The following NUP214 variants were observed in gnomAD, a reference collection of about 807,000 sequenced individuals.
NUP214 encodes the protein nuclear pore complex protein Nup214.
NUP214 carries 79 observed loss-of-function variants against 196.2 expected under a neutral mutation model. That is an observed-to-expected ratio of 0.40 (90% CI 0.34 to 0.49). NUP214 has a LOEUF of 0.49. Ranked by LOEUF, NUP214 falls within the 20% of genes least tolerant of loss-of-function variation. NUP214 has a pLI of 0.58. For missense variants in NUP214, 2,468 were observed against 2,539.0 expected (o/e 0.97, Z 0.60); for synonymous variants, 1,020 against 990.5 (o/e 1.03, Z -0.56).
At chr9:131,164,345 C>T in intron 21 of NUP214, 1 of 586,494 alleles carries the variant, frequency 1.7e-6, no homozygotes, top group Non-Finnish European at 3.0e-6. Flanking sequence ...GAATAAGAAC[C>T]AGCTTATATA....
At chr9:131,162,941 C>T (rs774401270) in intron 18 of NUP214, 50 bp from the exon 19 acceptor site, 11 of 1,575,558 alleles carry the variant, frequency 7.0e-6, no homozygotes, top group Non-Finnish European at 9.6e-6. Flanking sequence ...CTGGGAGATT[C>T]CTTTACTTGA....
chr9:131,231,263 G>A (rs1834870232), intron 34 of NUP214, among the ~76,000 whole-genome samples: 1 of 152,092 alleles, frequency 6.6e-6, no homozygotes, highest in Non-Finnish European at 1.5e-5. Flanking sequence ...CACAATCTCG[G>A]CTCACTATAA....
At chr9:131,229,943 T>C in intron 33 of NUP214, 2 of 359,034 alleles carry the variant, frequency 5.6e-6, no homozygotes, top group African/African-American at 2.2e-5. Flanking sequence ...CCTCACCTAG[T>C]CACCTCCAGA....
At position 131,198,484 on chromosome 9, in the gene NUP214, A is replaced by T. The variant is rs80167548; in HGVS notation, c.4990A>T (p.Thr1664Ser). 3 of 1,613,628 alleles carry T rather than the reference A, an allele frequency of 1.9e-6. No homozygotes were observed. Among genetic ancestry groups the T allele is most frequent in the Non-Finnish European group, 2.5e-6 (3 of 1,179,964 alleles). The change falls in exon 29 of 36, where the codon ACA becomes TCA. Residue 1664 changes from threonine to serine, a missense_variant. Coordinates refer to ENST00000359428, the MANE Select transcript of NUP214 (RefSeq NM_005085.4). Reference protein sequence around the residue: ...SSAFNQLTNNTATAPSATPVF... With the variant: ...SSAFNQLTNNSATAPSATPVF... The stretch of plus-strand genomic sequence containing the variant: ...AGCTTTCAACCAGCTCACCAACAAC[A>T]CAGCCACTGCCCCCTCTGCCACGCC...
rs573359006 is a variant in NUP214, at chr9:131,134,951, T to C, written c.885T>C (p.Tyr295=). 6.8e-6 allele frequency: 11 copies of C among 1,614,078 alleles called. No homozygotes were observed. Among genetic ancestry groups the C allele is most frequent in the African/African-American group, 1.3e-5 (1 of 75,072 alleles). ...TTGTGAACTTTATGGAGCCCTGTTA[T>C]GGCAGCTGCACGGAGAGACAGCATC... The part of the protein sequence containing the change: ...EIFVNFMEPC[Y]GSCTERQHHY... Residue 295 remains tyrosine, a synonymous_variant, in exon 8 of 36, where the codon TAT becomes TAC. Coordinates refer to ENST00000359428, the MANE Select transcript of NUP214 (RefSeq NM_005085.4).
intron 30 of NUP214, among the ~76,000 whole-genome samples, chr9:131,210,787 G>T (rs1247262250): frequency 6.6e-6 from 1 of 152,088 alleles, no homozygotes; most frequent in East Asian, 1.9e-4. Flanking sequence ...AGGTCAGAGA[G>T]ATGGAAAAAA....
intron 23 of NUP214, among the ~76,000 whole-genome samples, chr9:131,177,131 G>A (rs554580791): frequency 6.6e-6 from 1 of 151,882 alleles, no homozygotes; most frequent in South Asian, 2.1e-4. Context: ...AGACTAAAAA[G>A]ACATAATAGT....
chr9:131,127,325 G>C (rs1443788904), intron 1 of NUP214, among the ~76,000 whole-genome samples, 199 bp from the exon 2 acceptor site: 2 of 152,184 alleles, frequency 1.3e-5, no homozygotes, highest in African/African-American at 4.8e-5. Flanking sequence ...AGAGGTTGCA[G>C]TGAGCCAAGA....
At chr9:131,170,085 CA>C (rs2133574142) in intron 21 of NUP214, among the ~76,000 whole-genome samples, 1 of 152,040 alleles carries the variant, frequency 6.6e-6, no homozygotes, top group East Asian at 1.9e-4. Context: ...AGATGGTAGT[CA>C]CGGTTATACA....
Position 131,139,365 on chromosome 9 carries a change from G to A in NUP214, c.1090G>A (p.Gly364Arg). 3 of 1,607,252 alleles carry A rather than the reference G, an allele frequency of 1.9e-6. No individual in the cohort carries two copies. Among genetic ancestry groups the A allele is most frequent in the Non-Finnish European group, 2.5e-6 (3 of 1,177,474 alleles). Residue 364 changes from glycine (G) to arginine (R), a missense_variant, in exon 10 of 36, where the codon GGA (glycine) becomes AGA (arginine). Transcript: ENST00000359428. Reference sequence around the variant, plus strand: ...CAAGAGTGATGACTCCTTGCCCATGGGAGTTGTCGTAGACTATACAAACCA... The same window carrying A: ...CAAGAGTGATGACTCCTTGCCCATGAGAGTTGTCGTAGACTATACAAACCA... The part of the protein sequence containing the change: ...TDKSDDSLPM[G>R]VVVDYTNQVE...
At chr9:131,190,286 C>A (rs954114464) in intron 26 of NUP214, 4 of 528,420 alleles carry the variant, frequency 7.6e-6, no homozygotes, top group African/African-American at 6.0e-5. Context: ...ATCATATACT[C>A]TTTTTTCAAG....
intron 21 of NUP214, among the ~76,000 whole-genome samples, chr9:131,166,836 C>T (rs79668707): frequency 0.02 from 2,992 of 151,880 alleles, 42 homozygotes; most frequent in Non-Finnish European, 0.029. Context: ...ATTGCGAGTA[C>T]AGTAAGCACC....
intron 25 of NUP214, 66 bp from the exon 26 acceptor site, chr9:131,188,987 A>G (rs1029975732): frequency 1.8e-5 from 20 of 1,081,702 alleles, no homozygotes; most frequent in Middle Eastern, 2.0e-4. Context: ...TACATTTTAC[A>G]TATTTCTTTG....
chr9:131,206,426 A>C (rs950531983), intron 30 of NUP214, among the ~76,000 whole-genome samples: 1 of 151,326 alleles, frequency 6.6e-6, no homozygotes, highest in Non-Finnish European at 1.5e-5. Flanking sequence ...GATTAGAGAC[A>C]TGAGCCACTG....
At chr9:131,157,140 G>GT (rs35205694) in intron 17 of NUP214, among the ~76,000 whole-genome samples, 92,490 of 147,440 alleles carry the variant, frequency 0.63, 29,276 homozygotes, top group Admixed American at 0.73. Flanking sequence ...GTTTAGCTCT[G>GT]TTTTTTTTTT....
chr9:131,159,320 G>C (rs749138608), intron 17 of NUP214, 63 bp from the exon 18 acceptor site: 11 of 1,138,434 alleles, frequency 9.7e-6, no homozygotes, highest in Non-Finnish European at 1.4e-5. Flanking sequence ...TGACTGTTTT[G>C]ATACATCTTC....
intron 33 of NUP214, 132 bp downstream of exon 33, chr9:131,228,463 C>T (rs1309592240): frequency 2.5e-6 from 2 of 813,776 alleles, no homozygotes; most frequent in African/African-American, 3.6e-5. Context: ...GAACAACTCC[C>T]TCAAGGATTC....
chr9:131,129,518 G>A, intron 4 of NUP214, 41 bp downstream of exon 4: 1 of 1,569,908 alleles, frequency 6.4e-7, no homozygotes, highest in Non-Finnish European at 8.8e-7. Flanking sequence ...TACAATCATG[G>A]TCATCTACTT....
chr9:131,201,795 CG>C, intron 30 of NUP214, 78 bp downstream of exon 30: 1 of 1,213,640 alleles, frequency 8.2e-7, no homozygotes, highest in Non-Finnish European at 1.2e-6. Context: ...GTAGTCAGTT[CG>C]TGTTGTATAT....
Sources: gnomAD v4.1 joint callset for allele counts (sites outside exome capture counted in the v4.1 genomes callset) on GRCh38, gnomAD v4.1.1 for gene constraint, MANE v1.5 for transcripts, NCBI Gene and HGNC (gene_info 2026-07-23, HGNC 2026-07-21) for gene names.